Variants in MEGF8 observed in about 807,000 individuals in gnomAD.
The protein encoded by MEGF8 is multiple epidermal growth factor-like domains protein 8.
MEGF8 carries 156 observed loss-of-function variants against 302.9 expected under a neutral mutation model. The ratio of observed to expected loss-of-function variants is 0.52; its 90% confidence interval spans 0.45 to 0.59. The LOEUF (loss-of-function observed/expected upper bound fraction) is 0.59, where lower values mean the gene tolerates loss of function less well. Among genes scored for constraint, MEGF8 ranks in the 20% least tolerant of loss-of-function variants. MEGF8 has a pLI of 0.00. For missense variants in MEGF8, 3,345 were observed against 3,964.5 expected (o/e 0.84, Z 4.20); for synonymous variants, 1,621 against 1,660.5 (o/e 0.98, Z 0.58).
In MEGF8 at chr19:42,351,877, CT is replaced by C. The variant is rs2147477041; in HGVS notation, c.3101+120del. On this transcript the variant is annotated intron_variant, in intron 18 of 41. Transcript: ENST00000251268. This position sits in a 1 kb window ranked among gnomAD's most constrained non-coding sequence, Gnocchi z 5.6. The stretch of plus-strand genomic sequence containing the variant: ...CTTGCCCATCCCATGGCCACCTTCC[CT>C]TTTCCGTACTGTTTTTCTGTTGTTT... The C allele has an allele frequency of 2.4e-6, 2 of 842,952 alleles. No individual in the cohort carries two copies. Among genetic ancestry groups the C allele is most frequent in the African/African-American group, 1.7e-5 (1 of 58,790 alleles). 52.2% of individuals were successfully genotyped at this position (842,952 alleles called of 1,614,324 possible).
At chr19:42,363,321 T>C (rs1304583690) in intron 35 of MEGF8, 59 bp downstream of exon 35, 5 of 1,427,540 alleles carry the variant, frequency 3.5e-6, no homozygotes, top group Non-Finnish European at 4.8e-6. Context: ...CCCTCCTCTC[T>C]GCGCTGGCAG....
chr19:42,354,725 G>A lies in MEGF8; in HGVS notation c.4144+5G>A, dbSNP rs745364773. 1.3e-5 allele frequency: 21 copies of A among 1,594,360 alleles called. No individual in the cohort carries two copies. The highest frequency in any genetic ancestry group is 1.7e-5 in the Admixed American group (1 of 59,484). On this transcript the variant is annotated splice_donor_5th_base_variant and intron_variant, in intron 23 of 41. Coordinates refer to ENST00000251268, the MANE Select transcript of MEGF8 (RefSeq NM_001271938.2). The surrounding 1 kb of genome is among the most constrained non-coding windows in gnomAD (Gnocchi z 4.3). ...TCACTGTTCAGGCCCTGTCTGGTACGGGGGCTAGGGGAAGTGGGACCTCTT... is the reference window on the plus strand; with the variant it reads ...TCACTGTTCAGGCCCTGTCTGGTACAGGGGCTAGGGGAAGTGGGACCTCTT...
At position 42,369,113 on chromosome 19, in the gene MEGF8, G is replaced by A; in HGVS notation, c.6641+111G>A. ...CAGGACAGAAGAAAAGAAAGCTCGA[G>A]GCATGAAGGCAGTGGGATTGATTCC... On this transcript the variant is annotated intron_variant, in intron 37 of 41. Transcript: ENST00000251268. The surrounding 1 kb of genome is among the most constrained non-coding windows in gnomAD (Gnocchi z 5.7). 2 of 1,365,156 alleles carry A rather than the reference G, an allele frequency of 1.5e-6. No homozygotes were observed. The highest frequency in any genetic ancestry group is 2.0e-6 in the Non-Finnish European group (2 of 1,015,406). 84.6% of individuals were successfully genotyped at this position (1,365,156 alleles called of 1,614,324 possible).
At chr19:42,370,146 A>T (rs2039665616) in intron 38 of MEGF8, 43 bp from the exon 39 acceptor site, 2 of 1,566,924 alleles carry the variant, frequency 1.3e-6, no homozygotes, top group Admixed American at 3.6e-5. Context: ...CCTACCCCTG[A>T]TGACTCTCCA....
Position 42,356,305 on chromosome 19 carries a change from C to A in MEGF8, c.4504-30C>A, listed in dbSNP as rs1317135727. On this transcript the variant is annotated intron_variant, in intron 25 of 41. Coordinates refer to ENST00000251268, the MANE Select transcript of MEGF8 (RefSeq NM_001271938.2). The surrounding 1 kb of genome is among the most constrained non-coding windows in gnomAD (Gnocchi z 5.2). ...CCTGGCACTTTGTCCTGACCCTAGC[C>A]TGATCCCCAATGTCCGCACCCACCC... 6.3e-7 allele frequency: 1 copy of A among 1,598,508 alleles called. No individual in the cohort carries two copies. The highest frequency in any genetic ancestry group is 1.7e-5 in the Admixed American group (1 of 57,830).
chr19:42,333,663 G>A lies in MEGF8; in HGVS notation c.246G>A (p.Thr82=), dbSNP rs369259465. 1.5e-5 allele frequency: 25 copies of A among 1,613,870 alleles called. No homozygotes were observed. The highest frequency in any genetic ancestry group is 2.2e-5 in the South Asian group (2 of 91,094). The change falls in exon 2 of 42, where the codon ACG becomes ACA. Residue 82 remains threonine (T), a synonymous_variant. Transcript: ENST00000251268. ...LDFLFLDTEC[T]YDYLFVYDGD... ...TCCTTTTCCTGGACACAGAGTGCAC[G>A]TATGACTACCTGTTCGTGTATGACG...
At position 42,357,120 on chromosome 19, in the gene MEGF8, C is replaced by G. The variant is rs2039463852; in HGVS notation, c.4830+139C>G. On this transcript the variant is annotated intron_variant, in intron 27 of 41. Transcript: ENST00000251268. This position sits in a 1 kb window ranked among gnomAD's most constrained non-coding sequence, Gnocchi z 5.2. ...ATTTCCTCGGCCATCCTGGGTCACA[C>G]TGTTGTCCTGAGCCAGTCCTGGGCT... 1.0e-6 allele frequency: 1 copy of G among 983,834 alleles called. No homozygotes were observed. Among genetic ancestry groups the G allele is most frequent in the South Asian group, 1.7e-5 (1 of 60,190 alleles). The allele number at this position is 983,834 out of a possible 1,614,324, so 60.9% of individuals were successfully genotyped here. A position where few individuals can be genotyped will look rare whatever the true frequency, so the allele number is the denominator to read the frequency against.
rs1438140448 is a variant in MEGF8 at position 42,369,339 on chromosome 19, T to G, written c.6642-192T>G. Among the ~76,000 whole-genome samples the G allele has an allele frequency of 6.6e-6, 1 of 151,968 alleles. No homozygotes were observed. Among genetic ancestry groups the G allele is most frequent in the East Asian group, 1.9e-4 (1 of 5,186 alleles). ...AAATAAAAAAGAAAATAGGGTACCC[T>G]CAAAAGAGGAGAGAGGGTTGTGGGC... On this transcript the variant is annotated intron_variant, in intron 37 of 41. Coordinates refer to ENST00000251268, the MANE Select transcript of MEGF8 (RefSeq NM_001271938.2). The surrounding 1 kb of genome is among the most constrained non-coding windows in gnomAD (Gnocchi z 5.7).
rs1260171890 is a variant in MEGF8, at chr19:42,353,615, A to T, written c.3701A>T (p.Gln1234Leu). ...CDNLSGLCFC[Q>L]DHTEGAHCQL... Reference sequence around the variant, plus strand: ...AACCTCAGTGGGCTCTGCTTCTGCCAGGACCACACCGAGGGTGCCCACTGC... The same window carrying T: ...AACCTCAGTGGGCTCTGCTTCTGCCTGGACCACACCGAGGGTGCCCACTGC... Residue 1234 changes from glutamine (Q) to leucine (L), a missense_variant, in exon 21 of 42, where the codon CAG becomes CTG. Coordinates refer to ENST00000251268, the MANE Select transcript of MEGF8 (RefSeq NM_001271938.2). This position sits in a 1 kb window ranked among gnomAD's most constrained non-coding sequence, Gnocchi z 6.1. The T allele has an allele frequency of 1.3e-6, 2 of 1,588,162 alleles. No homozygotes were observed.
intron 41 of MEGF8, 142 bp downstream of exon 41, chr19:42,371,624 T>C: frequency 8.4e-7 from 1 of 1,186,840 alleles, no homozygotes; most frequent in African/African-American, 1.5e-5. Flanking sequence ...CTTGACAGAC[T>C]GTTCCTGAGC....
intron 5 of MEGF8, 102 bp downstream of exon 5, chr19:42,335,487 TG>T (rs2039115126): frequency 9.5e-7 from 1 of 1,052,742 alleles, no homozygotes; most frequent in African/African-American, 1.6e-5. Context: ...CCACAGTTCC[TG>T]CAGCTTGATA....
At chr19:42,333,365 T>C (rs2147445550) in intron 1 of MEGF8, among the ~76,000 whole-genome samples, 1 of 152,334 alleles carries the variant, frequency 6.6e-6, no homozygotes, top group African/African-American at 2.4e-5. Context: ...AGGTGACCTT[T>C]CTAGAGGTCT....
At chr19:42,331,540 T>A (rs1975177) in intron 1 of MEGF8, among the ~76,000 whole-genome samples, 139,085 of 152,218 alleles carry the variant, frequency 0.91, 63,766 homozygotes, top group East Asian at 1. Flanking sequence ...AGTGGCACTC[T>A]CCACGATATG....
In MEGF8 at chr19:42,353,886, G is replaced by A. The variant is rs373710119; in HGVS notation, c.3873G>A (p.Gly1291=). 1.5e-4 allele frequency: 244 copies of A among 1,596,884 alleles called. No homozygotes were observed. The highest frequency in any genetic ancestry group is 1.9e-4 in the Non-Finnish European group (225 of 1,171,990). The change falls in exon 22 of 42, where the codon GGG becomes GGA. Residue 1291 remains glycine, a synonymous_variant. Coordinates refer to ENST00000251268, the MANE Select transcript of MEGF8 (RefSeq NM_001271938.2). This position sits in a 1 kb window ranked among gnomAD's most constrained non-coding sequence, Gnocchi z 6.1. ...GGGGGCTGCTGCCTCCAGGTGGCGGGGCTGCAAGAGCCGGGCCTGGCCTGT... is the reference window on the plus strand; with the variant it reads ...GGGGGCTGCTGCCTCCAGGTGGCGGAGCTGCAAGAGCCGGGCCTGGCCTGT... The part of the protein sequence containing the change: ...RVGGLLPPGG[G]AARAGPGLSY...
At chr19:42,332,049 G>A (rs777354641) in intron 1 of MEGF8, among the ~76,000 whole-genome samples, 3 of 151,898 alleles carry the variant, frequency 2.0e-5, no homozygotes, top group Non-Finnish European at 4.4e-5. Flanking sequence ...AAGAGACAGG[G>A]TTTCACCATG....
Position 42,362,078 on chromosome 19 carries a change from C to T in MEGF8, c.5721-12C>T. On this transcript the variant is annotated splice_polypyrimidine_tract_variant and intron_variant, in intron 32 of 41. Transcript: ENST00000251268. ...GGATGGGTGTGAGTGAGCCAGGCCTCATGTCCTTTAGGCTGGGCTGCGGGG... is the reference window on the plus strand; with the variant it reads ...GGATGGGTGTGAGTGAGCCAGGCCTTATGTCCTTTAGGCTGGGCTGCGGGG... 2 of 1,611,446 alleles carry T rather than the reference C, an allele frequency of 1.2e-6. No homozygotes were observed. Among genetic ancestry groups the T allele is most frequent in the South Asian group, 1.1e-5 (1 of 90,506 alleles).
rs780715056 is a variant in MEGF8, at chr19:42,351,656, C to T, written c.2996C>T (p.Ser999Leu). 9 of 1,588,626 alleles carry T rather than the reference C, an allele frequency of 5.7e-6. No individual in the cohort carries two copies. Among genetic ancestry groups the T allele is most frequent in the South Asian group, 3.4e-5 (3 of 87,282 alleles). ...CCCCTGCCATCCTGCAGTGTACACTCGGAGCCACGGTGCCGGAGCTGCGAT... is the reference window on the plus strand; with the variant it reads ...CCCCTGCCATCCTGCAGTGTACACTTGGAGCCACGGTGCCGGAGCTGCGAT... ...GCRGWDDSVH[S>L]EPRCRSCDGF... The change falls in exon 18 of 42, where the codon TCG (serine) becomes TTG (leucine). Residue 999 changes from serine to leucine, a missense_variant. Physicochemically the swap from Ser to Leu is moderately radical, Grantham distance 145 (BLOSUM62 -2). Transcript: ENST00000251268. This position sits in a 1 kb window ranked among gnomAD's most constrained non-coding sequence, Gnocchi z 5.6.
Position 42,336,445 on chromosome 19 carries a change from T to C in MEGF8, c.1244+99T>C. 1.6e-6 allele frequency: 2 copies of C among 1,244,938 alleles called. No individual in the cohort carries two copies. The highest frequency in any genetic ancestry group is 1.6e-5 in the South Asian group (1 of 62,630). The allele number at this position is 1,244,938 out of a possible 1,614,324, so 77.1% of individuals were successfully genotyped here. On this transcript the variant is annotated intron_variant, in intron 6 of 41. Coordinates refer to ENST00000251268, the MANE Select transcript of MEGF8 (RefSeq NM_001271938.2). This position sits in a 1 kb window ranked among gnomAD's most constrained non-coding sequence, Gnocchi z 4.8. ...AGGTCTTTGCCCACTGTCGGACTCC[T>C]GTGGTCTCTCAGTCACTCCTTCCTT... is the stretch of plus-strand genomic sequence containing the variant.
Position 42,376,441 on chromosome 19 carries a change from T to C in MEGF8, c.8204T>C (p.Leu2735Pro). 1 of 1,611,836 alleles carries C rather than the reference T, an allele frequency of 6.2e-7. No individual in the cohort carries two copies. The highest frequency in any genetic ancestry group is 1.1e-5 in the South Asian group (1 of 90,992). Residue 2735 changes from leucine to proline, a missense_variant, in exon 42 of 42, where the codon CTG becomes CCG. Transcript: ENST00000251268. The surrounding 1 kb of genome is among the most constrained non-coding windows in gnomAD (Gnocchi z 8.2). ...FRRSEPFLAP[L>P]LLTGAGGPWG... Reference sequence around the variant, plus strand: ...CGCTCTGAGCCCTTCCTGGCACCCCTGCTGCTGACAGGGGCCGGTGGGCCC... The same window carrying C: ...CGCTCTGAGCCCTTCCTGGCACCCCCGCTGCTGACAGGGGCCGGTGGGCCC...
Sources: gnomAD v4.1 joint callset for allele counts (sites outside exome capture counted in the v4.1 genomes callset) on GRCh38, gnomAD v4.1.1 for gene constraint, Gnocchi (gnomAD v3.1) non-coding constraint, MANE v1.5 for transcripts, NCBI Gene and HGNC (gene_info 2026-07-23, HGNC 2026-07-21) for gene names.